Variants in DIPK1C observed in about 807,000 individuals in gnomAD.
The protein encoded by DIPK1C is divergent protein kinase domain 1C, also known as familial non-conventional Alzheimer's dementia.
A neutral mutation model predicts 28.0 loss-of-function variants in DIPK1C; 33 were observed. The observed-to-expected ratio is 1.18, with a 90% CI of 0.89 to 1.58. DIPK1C has a LOEUF of 1.58. Among genes scored for constraint, DIPK1C ranks in the 40% most tolerant of loss-of-function variants. The pLI is 0.00. For missense variants in DIPK1C, 569 were observed against 568.5 expected (o/e 1.00, Z -0.01); for synonymous variants, 255 against 248.8 (o/e 1.02, Z -0.23).
At position 74,436,227 on chromosome 18, in the gene DIPK1C, C is replaced by A; in HGVS notation, c.*274G>T. 1 of 480,794 alleles carries A rather than the reference C, an allele frequency of 2.1e-6. No individual in the cohort carries two copies. The highest frequency in any genetic ancestry group is 3.5e-5 in the East Asian group (1 of 28,770). 29.8% of individuals were successfully genotyped at this position (480,794 alleles called of 1,614,324 possible). A position where few individuals can be genotyped will look rare whatever the true frequency, so the allele number is the denominator to read the frequency against. ...GTGCTCTCTGCAGAGAATAAGTGCA[C>A]ACAGGTTGGTGTCTTCTGACCGAGA... On this transcript the variant is annotated 3_prime_UTR_variant, in exon 4 of 4. Coordinates refer to ENST00000343998, the MANE Select transcript of DIPK1C (RefSeq NM_001044369.3).
rs1309295865 is a variant in DIPK1C at position 74,447,688 on chromosome 18, C to T, written c.199-405G>A. 6.6e-6 allele frequency among the ~76,000 whole-genome samples: 1 copy of T among 152,202 alleles called. No individual in the cohort carries two copies. The highest frequency in any genetic ancestry group is 1.9e-4 in the East Asian group (1 of 5,184). On this transcript the variant is annotated intron_variant, in intron 1 of 3. Coordinates refer to ENST00000343998, the MANE Select transcript of DIPK1C (RefSeq NM_001044369.3). The surrounding 1 kb of genome is among the most constrained non-coding windows in gnomAD (Gnocchi z 4.1). The stretch of plus-strand genomic sequence containing the variant: ...TCACTGGGAGAGCTTCTAAGTCCCA[C>T]ATCTAAGCAGCTAGGTCAGGTCTCA...
chr18:74,447,050 C>A lies in DIPK1C; in HGVS notation c.432G>T (p.Glu144Asp). The change falls in exon 2 of 4, where the codon GAG becomes GAT. Residue 144 changes from glutamate to aspartate, a missense_variant. By Grantham distance (45) the Glu-to-Asp change is conservative (BLOSUM62 2). Transcript: ENST00000343998. The surrounding 1 kb of genome is among the most constrained non-coding windows in gnomAD (Gnocchi z 4.1). The part of the protein sequence containing the change: ...EAGEGGQDMP[E>D]AELLLMVAGE... The stretch of plus-strand genomic sequence containing the variant: ...CAGCCACCATCAGGAGGAGTTCGGC[C>A]TCGGGCATGTCCTGGCCACCCTCCC... 6.5e-7 allele frequency: 1 copy of A among 1,549,674 alleles called. No individual in the cohort carries two copies.
rs1216730096 is a variant in DIPK1C, at chr18:74,436,549, G to A, written c.1212C>T (p.Arg404=). ...RAASSVFWKL[R]QLLQATLREL... is the part of the protein sequence containing the mutation. ...CCCTCAGTGTGGCTTGGAGGAGTTG[G>A]CGAAGCTTCCAGAACACGCTGGAGG... The change falls in exon 4 of 4, where the codon CGC becomes CGT. Residue 404 remains arginine, a synonymous_variant. Transcript: ENST00000343998. The A allele has an allele frequency of 1.2e-6, 2 of 1,606,162 alleles. No individual in the cohort carries two copies. Among genetic ancestry groups the A allele is most frequent in the Admixed American group, 3.4e-5 (2 of 59,140 alleles).
At chr18:74,448,545 C>T (rs560818648) in intron 1 of DIPK1C, among the ~76,000 whole-genome samples, 4 of 152,296 alleles carry the variant, frequency 2.6e-5, no homozygotes, top group South Asian at 2.1e-4. Flanking sequence ...ACATCCTTAC[C>T]TGCTCTGGGC....
rs1159620475 is a variant in DIPK1C at position 74,447,327 on chromosome 18, G to A, written c.199-44C>T. The A allele has an allele frequency of 8.2e-6, 12 of 1,470,372 alleles. No individual in the cohort carries two copies. Among genetic ancestry groups the A allele is most frequent in the Non-Finnish European group, 1.1e-5 (12 of 1,106,444 alleles). 91.1% of individuals were successfully genotyped at this position (1,470,372 alleles called of 1,614,324 possible). A position where few individuals can be genotyped will look rare whatever the true frequency, so the allele number is the denominator to read the frequency against. On this transcript the variant is annotated intron_variant, in intron 1 of 3. Coordinates refer to ENST00000343998, the MANE Select transcript of DIPK1C (RefSeq NM_001044369.3). This position sits in a 1 kb window ranked among gnomAD's most constrained non-coding sequence, Gnocchi z 4.1. The stretch of plus-strand genomic sequence containing the variant: ...TCGGTCACCATGGGGAGGGCCTGGT[G>A]CCATCCGTCTCTCGGCTCGGGTTAG...
At chr18:74,451,463 C>T (rs1044766219) in intron 1 of DIPK1C, among the ~76,000 whole-genome samples, 1 of 148,680 alleles carries the variant, frequency 6.7e-6, no homozygotes, top group Non-Finnish European at 1.5e-5. Context: ...GGGCCAGGTC[C>T]CCACAGCACC....
the DIPK1C span, among the ~76,000 whole-genome samples, chr18:74,463,483 T>G: frequency 6.6e-6 from 1 of 152,174 alleles, no homozygotes; most frequent in Admixed American, 6.5e-5. Context: ...TCTTGTATTT[T>G]CATTCCAACT....
chr18:74,443,439 G>A (rs9946300), intron 2 of DIPK1C, among the ~76,000 whole-genome samples: 4,954 of 152,224 alleles, frequency 0.033, 273 homozygotes, highest in African/African-American at 0.11. Flanking sequence ...GTTTCAAAAA[G>A]GGTTGCATTT....
chr18:74,442,385 G>T (rs12968877), intron 2 of DIPK1C, among the ~76,000 whole-genome samples: 1 of 151,894 alleles, frequency 6.6e-6, no homozygotes, highest in African/African-American at 2.4e-5. Flanking sequence ...CTGGAGTGCA[G>T]TGGCGCGATC....
At chr18:74,459,280 A>T (rs955561156), upstream of DIPK1C, among the ~76,000 whole-genome samples, 6 of 151,918 alleles carry the variant, frequency 3.9e-5, no homozygotes, top group African/African-American at 1.5e-4. Flanking sequence ...TTGAAATCAA[A>T]ATTAACCACA....
Position 74,447,406 on chromosome 18 carries a change from G to T in DIPK1C, c.199-123C>A. On this transcript the variant is annotated intron_variant, in intron 1 of 3. Transcript: ENST00000343998. This position sits in a 1 kb window ranked among gnomAD's most constrained non-coding sequence, Gnocchi z 4.1. ...AGGACGCTGATAATCCAGCTGTGCA[G>T]AGAAACCTCAGCCCTGTGGATCTCA... is the stretch of plus-strand genomic sequence containing the variant. The T allele has an allele frequency of 9.8e-7, 1 of 1,018,660 alleles. No individual in the cohort carries two copies. The allele number at this position is 1,018,660 out of a possible 1,614,324, so 63.1% of individuals were successfully genotyped here.
At chr18:74,442,601 T>A (rs1018115410) in intron 2 of DIPK1C, among the ~76,000 whole-genome samples, 1 of 152,244 alleles carries the variant, frequency 6.6e-6, no homozygotes, top group Non-Finnish European at 1.5e-5. Context: ...AGTGCTGGGA[T>A]TATAGGCATG....
chr18:74,458,754 T>C (rs1364032156), upstream of DIPK1C, among the ~76,000 whole-genome samples: 2 of 151,746 alleles, frequency 1.3e-5, no homozygotes, highest in Non-Finnish European at 2.9e-5. Flanking sequence ...TTTCACAGGC[T>C]GGCTGTATGG....
chr18:74,457,427 T>C (rs1421178271), upstream of DIPK1C, among the ~76,000 whole-genome samples: 2 of 150,692 alleles, frequency 1.3e-5, no homozygotes, highest in African/African-American at 4.9e-5. Context: ...GGGGAGGGCG[T>C]CCAGCAGCAG....
chr18:74,451,487 ACTGTGCCT>A (rs1333292418), intron 1 of DIPK1C, among the ~76,000 whole-genome samples: 10 of 152,330 alleles, frequency 6.6e-5, no homozygotes, highest in African/African-American at 2.4e-4. Flanking sequence ...TTTAACACAA[ACTGTGCCT>A]CATCGATGAA....
intron 3 of DIPK1C, among the ~76,000 whole-genome samples, chr18:74,437,775 T>C (rs1411200203): frequency 1.3e-5 from 2 of 152,240 alleles, no homozygotes; most frequent in Non-Finnish European, 2.9e-5. Flanking sequence ...GCTCTGAGAA[T>C]GAGACATTCT....
upstream of DIPK1C, among the ~76,000 whole-genome samples, chr18:74,458,266 G>A (rs1986563023): frequency 6.6e-6 from 1 of 152,180 alleles, no homozygotes; most frequent in African/African-American, 2.4e-5. Context: ...CCACGCCCGG[G>A]GCTCCTGCAT....
At chr18:74,436,816 C>T (rs1568260472) in intron 3 of DIPK1C, 97 bp from the exon 4 acceptor site, 3 of 1,152,764 alleles carry the variant, frequency 2.6e-6, no homozygotes, top group East Asian at 5.1e-5. Context: ...TTCAGCTTCT[C>T]TCCCACCCCC....
At chr18:74,439,099 A>C in intron 3 of DIPK1C, among the ~76,000 whole-genome samples, 1 of 142,696 alleles carries the variant, frequency 7.0e-6, no homozygotes, top group Non-Finnish European at 1.5e-5. Flanking sequence ...TTATGCCAAC[A>C]TGGGTTTTTG....
Sources: allele counts gnomAD v4.1 joint callset (sites outside exome capture counted in the v4.1 genomes callset), GRCh38; gene constraint gnomAD v4.1.1; non-coding constraint Gnocchi (gnomAD v3.1); transcripts MANE v1.5; gene names NCBI Gene and HGNC (gene_info 2026-07-23, HGNC 2026-07-21).